The following ARPC5 variants were observed in gnomAD, a reference collection of about 807,000 sequenced individuals.
ARPC5 encodes actin related protein 2/3 complex subunit 5, also known as actin-related protein 2/3 complex subunit 5.
Under a neutral mutation model 15.4 loss-of-function variants are expected in ARPC5, and 5 were observed. The ratio of observed to expected loss-of-function variants is 0.32; its 90% confidence interval spans 0.17 to 0.68. The LOEUF is 0.68. Among genes scored for constraint, ARPC5 ranks in the 30% least tolerant of loss-of-function variants. The pLI is 0.71. For synonymous variants in ARPC5, 85 were observed against 72.2 expected, an observed-to-expected ratio of 1.18 and a Z score of -0.90; for missense variants, 138 against 192.8, an observed-to-expected ratio of 0.72 and a Z score of 1.68.
At chr1:183,634,994 C>T (rs1245620678) in intron 1 of ARPC5, among the ~76,000 whole-genome samples, 2 of 151,130 alleles carry the variant, frequency 1.3e-5, no homozygotes, top group South Asian at 4.2e-4. Flanking sequence ...TCTCCCCCCG[C>T]CCCCCGGTAA....
Position 183,620,962 on chromosome 1 carries a change from G to C in ARPC5, c.*6570C>G, listed in dbSNP as rs1337759403. The C allele has an allele frequency of 6.6e-6, 1 of 151,918 alleles. No homozygotes were observed. The highest frequency in any genetic ancestry group is 1.9e-4 in the East Asian group (1 of 5,178). 9.4% of individuals were successfully genotyped at this position (151,918 alleles called of 1,614,324 possible). The stretch of plus-strand genomic sequence containing the variant: ...AGCTCCTACAAATCAGTAAGAAAAA[G>C]ACCATCAAAAGGGCAAAGAAAATAT... On this transcript the variant is annotated 3_prime_UTR_variant, in exon 4 of 4. Coordinates refer to ENST00000359856, the MANE Select transcript of ARPC5 (RefSeq NM_005717.4).
intron 2 of ARPC5, chr1:183,632,185 G>C (rs1299955024): frequency 6.6e-6 from 1 of 152,178 alleles, no homozygotes; most frequent in Admixed American, 6.5e-5. Flanking sequence ...TGTATGAATA[G>C]CTATGGACAA....
chr1:183,625,203 C>T lies in ARPC5; in HGVS notation c.*2329G>A, dbSNP rs749354026. The stretch of plus-strand genomic sequence containing the variant: ...TTTTTTCCGCAATTAATCCTATTCC[C>T]AACTCTTCACCAAGGATAGTACTGT... On this transcript the variant is annotated 3_prime_UTR_variant, in exon 4 of 4. Transcript: ENST00000359856. 1 of 152,180 alleles carries T rather than the reference C, an allele frequency of 6.6e-6. No homozygotes were observed. Among genetic ancestry groups the T allele is most frequent in the Admixed American group, 6.5e-5 (1 of 15,280 alleles). The allele number at this position is 152,180 out of a possible 1,614,324, so 9.4% of individuals were successfully genotyped here. A position where few individuals can be genotyped will look rare whatever the true frequency, so the allele number is the denominator to read the frequency against.
At chr1:183,634,956 AG>A (rs1413378079) in intron 1 of ARPC5, among the ~76,000 whole-genome samples, 1 of 149,038 alleles carries the variant, frequency 6.7e-6, no homozygotes, top group Non-Finnish European at 1.5e-5. Flanking sequence ...CTGAAAGCAC[AG>A]GGACCCTCAA....
chr1:183,634,760 C>T (rs113925242), intron 1 of ARPC5, among the ~76,000 whole-genome samples: 2 of 152,314 alleles, frequency 1.3e-5, no homozygotes, highest in African/African-American at 4.8e-5. Flanking sequence ...ATTCTCCACA[C>T]GCATTCCCCG....
chr1:183,623,672 AT>A lies in ARPC5; in HGVS notation c.*3859del, dbSNP rs758315998. ...TCAATTATTTTGGTGCTTTTAACAT[AT>A]TTTGTCTGTAAGGGGATGTTAGTTG... On this transcript the variant is annotated 3_prime_UTR_variant, in exon 4 of 4. Coordinates refer to ENST00000359856, the MANE Select transcript of ARPC5 (RefSeq NM_005717.4). The A allele has an allele frequency of 8.7e-5, 56 of 647,390 alleles. No homozygotes were observed. The highest frequency in any genetic ancestry group is 1.4e-4 in the Non-Finnish European group (52 of 383,054). 40.1% of individuals were successfully genotyped at this position (647,390 alleles called of 1,614,324 possible).
Position 183,623,604 on chromosome 1 carries a change from T to C in ARPC5, c.*3928A>G. On this transcript the variant is annotated 3_prime_UTR_variant, in exon 4 of 4. Coordinates refer to ENST00000359856, the MANE Select transcript of ARPC5 (RefSeq NM_005717.4). ...AGCAGCCTTGTTTAAGGGCACTTGG[T>C]TCTACAGAGGCCGTTGGTCTGTTCC... The C allele has an allele frequency of 7.9e-7, 1 of 1,265,742 alleles. No homozygotes were observed. Among genetic ancestry groups the C allele is most frequent in the Non-Finnish European group, 1.1e-6 (1 of 892,632 alleles). 78.4% of individuals were successfully genotyped at this position (1,265,742 alleles called of 1,614,324 possible).
Position 183,630,653 on chromosome 1 carries a change from A to G in ARPC5, c.217-16T>C. 1 of 1,606,178 alleles carries G rather than the reference A, an allele frequency of 6.2e-7. No homozygotes were observed. Among genetic ancestry groups the G allele is most frequent in the Non-Finnish European group, 8.5e-7 (1 of 1,176,628 alleles). On this transcript the variant is annotated splice_polypyrimidine_tract_variant and intron_variant, in intron 2 of 3. Transcript: ENST00000359856. ...CTGCCCGGTCCTGGTGGGTCAATAA[A>G]TAACAGAACATTTAGACATATCTGT...
intron 3 of ARPC5, among the ~76,000 whole-genome samples, chr1:183,629,642 T>C (rs1649211034): frequency 6.6e-6 from 1 of 152,222 alleles, no homozygotes; most frequent in Admixed American, 6.5e-5. Context: ...TCTACTTACA[T>C]TGCAAAATAT....
chr1:183,623,432 T>G lies in ARPC5; in HGVS notation c.*4100A>C. On this transcript the variant is annotated 3_prime_UTR_variant, in exon 4 of 4. Coordinates refer to ENST00000359856, the MANE Select transcript of ARPC5 (RefSeq NM_005717.4). ...ATGACATGCTGTACCTCTGTGGGCTTCCCGGGCCTCCTCCATATCTGGAAT... is the reference window on the plus strand; with the variant it reads ...ATGACATGCTGTACCTCTGTGGGCTGCCCGGGCCTCCTCCATATCTGGAAT... 1 of 1,550,480 alleles carries G rather than the reference T, an allele frequency of 6.4e-7. No homozygotes were observed. Among genetic ancestry groups the G allele is most frequent in the Admixed American group, 2.0e-5 (1 of 50,998 alleles).
In ARPC5 at chr1:183,621,210, C is replaced by A. The variant is rs1285473138; in HGVS notation, c.*6322G>T. 6.6e-6 allele frequency: 1 copy of A among 152,152 alleles called. No homozygotes were observed. Among genetic ancestry groups the A allele is most frequent in the Non-Finnish European group, 1.5e-5 (1 of 68,018 alleles). The allele number at this position is 152,152 out of a possible 1,614,324, so 9.4% of individuals were successfully genotyped here. A position where few individuals can be genotyped will look rare whatever the true frequency, so the allele number is the denominator to read the frequency against. On this transcript the variant is annotated 3_prime_UTR_variant, in exon 4 of 4. Coordinates refer to ENST00000359856, the MANE Select transcript of ARPC5 (RefSeq NM_005717.4). Reference sequence around the variant, plus strand: ...GCTGGAGAAAGTATAATTGATAAAACCTTTAAGAAAGGCAATTTAGCAATA... The same window carrying A: ...GCTGGAGAAAGTATAATTGATAAAAACTTTAAGAAAGGCAATTTAGCAATA...
At chr1:183,632,973 T>C (rs1649308117) in intron 2 of ARPC5, 109 bp downstream of exon 2, 3 of 848,212 alleles carry the variant, frequency 3.5e-6, no homozygotes, top group Admixed American at 2.7e-5. Context: ...AACTCTTCTA[T>C]GTCAAAGATA....
Position 183,630,539 on chromosome 1 carries a change from G to T in ARPC5, c.315C>A (p.Leu105=), listed in dbSNP as rs141350645. ...VQSLDKNGVD[L]LMKYIYKGFE... Reference sequence around the variant, plus strand: ...ATCCTTTATAAATATACTTCATTAGGAGATCCACACCATTCTTGTCCAGAG... The same window carrying T: ...ATCCTTTATAAATATACTTCATTAGTAGATCCACACCATTCTTGTCCAGAG... Residue 105 remains leucine (L), a synonymous_variant, in exon 3 of 4, where the codon CTC becomes CTA. Transcript: ENST00000359856. 1 of 1,612,072 alleles carries T rather than the reference G, an allele frequency of 6.2e-7. No individual in the cohort carries two copies. The highest frequency in any genetic ancestry group is 8.5e-7 in the Non-Finnish European group (1 of 1,179,332).
intron 2 of ARPC5, 78 bp downstream of exon 2, chr1:183,633,003 AT>A (rs138442122): frequency 7.7e-4 from 821 of 1,072,894 alleles, no homozygotes; most frequent in East Asian, 9.1e-4. Context: ...TAAAATATTG[AT>A]TTTTTTTTGC....
At chr1:183,630,188 G>C (rs113052402) in intron 3 of ARPC5, 15 of 275,464 alleles carry the variant, frequency 5.4e-5, no homozygotes, top group Middle Eastern at 1.1e-3. Flanking sequence ...GATTTGTATT[G>C]CTTATTTTCT....
At chr1:183,634,827 G>A (rs10911383) in intron 1 of ARPC5, among the ~76,000 whole-genome samples, 12,412 of 151,330 alleles carry the variant, frequency 0.082, 1,011 homozygotes, top group African/African-American at 0.21. Flanking sequence ...TTCCTTCTAG[G>A]AGTTTTGTAT....
chr1:183,631,438 G>C (rs1649262244), intron 2 of ARPC5: 2 of 151,998 alleles, frequency 1.3e-5, no homozygotes, highest in African/African-American at 4.8e-5. Context: ...AAATTATCCA[G>C]GCATGGTGGT....
chr1:183,633,170 G>T lies in ARPC5; in HGVS notation c.144-16C>A, dbSNP rs1162918995. 2 of 1,582,182 alleles carry T rather than the reference G, an allele frequency of 1.3e-6. No homozygotes were observed. The highest frequency in any genetic ancestry group is 2.3e-5 in the South Asian group (2 of 85,732). On this transcript the variant is annotated splice_polypyrimidine_tract_variant and intron_variant, in intron 1 of 3. Transcript: ENST00000359856. ...CATGTTTCCTGTGATGGAAGTTAAG[G>T]GTGTAACAGCAAAGGATGGCCCCCA...
At chr1:183,630,693 G>A in intron 2 of ARPC5, 56 bp from the exon 3 acceptor site, 8 of 1,507,424 alleles carry the variant, frequency 5.3e-6, no homozygotes, top group African/African-American at 1.4e-5. Context: ...GGAGGGTTTA[G>A]AATTTCAGAA....
Sources: allele counts gnomAD v4.1 joint callset (sites outside exome capture counted in the v4.1 genomes callset), GRCh38; gene constraint gnomAD v4.1.1; transcripts MANE v1.5; gene names NCBI Gene and HGNC (gene_info 2026-07-23, HGNC 2026-07-21).